Variants in WDPCP observed in about 807,000 individuals in gnomAD.
The protein encoded by WDPCP is WD repeat-containing and planar cell polarity effector protein fritz homolog.
Under a neutral mutation model 93.1 loss-of-function variants are expected in WDPCP, and 71 were observed. The ratio of observed to expected loss-of-function variants is 0.76; its 90% CI spans 0.63 to 0.93. The LOEUF (loss-of-function observed/expected upper bound fraction) is 0.93. Among genes scored for constraint, WDPCP ranks in the 40% least tolerant of loss-of-function variants. WDPCP has a pLI of 0.00. For synonymous variants in WDPCP, 315 were observed against 315.0 expected, an observed-to-expected ratio of 1.00 and a Z score of 0.00; for missense variants, 844 against 887.4, an observed-to-expected ratio of 0.95 and a Z score of 0.62.
At chr2:63,748,761 A>T (rs1669835547) in intron 2 of WDPCP, among the ~76,000 whole-genome samples, 1 of 152,188 alleles carries the variant, frequency 6.6e-6, no homozygotes, top group Non-Finnish European at 1.5e-5. Context: ...TGTATCACTC[A>T]TGGTGCTTTT....
chr2:63,164,481 A>T (rs1210987374), intron 15 of WDPCP, among the ~76,000 whole-genome samples: 2 of 151,948 alleles, frequency 1.3e-5, no homozygotes, highest in East Asian at 3.9e-4. Context: ...CTCCCCCCAA[A>T]CCCCTCTATT....
chr2:63,494,290 C>T (rs1459749310), intron 1 of WDPCP, among the ~76,000 whole-genome samples: 2 of 151,104 alleles, frequency 1.3e-5, no homozygotes, highest in Non-Finnish European at 1.5e-5. Context: ...ATGATGATGA[C>T]GACGACGACG....
At chr2:63,346,620 C>T (rs1008946047) in intron 12 of WDPCP, among the ~76,000 whole-genome samples, 6 of 152,138 alleles carry the variant, frequency 3.9e-5, no homozygotes, top group Non-Finnish European at 8.8e-5. Context: ...TTTTCCTAGC[C>T]TCAAGTCATC....
chr2:63,230,750 T>G (rs1678792507), intron 14 of WDPCP, among the ~76,000 whole-genome samples: 1 of 152,180 alleles, frequency 6.6e-6, no homozygotes, highest in Non-Finnish European at 1.5e-5. Flanking sequence ...GAGAAGTGTA[T>G]GTTCATATCC....
At chr2:63,403,282 G>C (rs1459825407) in intron 10 of WDPCP, among the ~76,000 whole-genome samples, 1 of 151,938 alleles carries the variant, frequency 6.6e-6, no homozygotes, top group Non-Finnish European at 1.5e-5. Context: ...GAGGGAGGAG[G>C]ATATGAGGAG....
intron 2 of WDPCP, among the ~76,000 whole-genome samples, chr2:63,804,941 T>A (rs984095224): frequency 6.6e-6 from 1 of 151,752 alleles, no homozygotes; most frequent in East Asian, 2.0e-4. Context: ...GGCAGGATAA[T>A]CGCTTGAAAC....
intron 3 of WDPCP, among the ~76,000 whole-genome samples, chr2:63,614,925 A>AT (rs1289640913): frequency 5.9e-5 from 9 of 152,130 alleles, no homozygotes; most frequent in Non-Finnish European, 1.2e-4. Flanking sequence ...AAAACAGACA[A>AT]TTTTCCCTAG....
intron 2 of WDPCP, among the ~76,000 whole-genome samples, chr2:63,693,646 G>T (rs909579528): frequency 6.6e-6 from 1 of 152,144 alleles, no homozygotes; most frequent in Non-Finnish European, 1.5e-5. Context: ...CCCAAGGCGG[G>T]TTGTGGAAAA....
At chr2:63,751,383 A>G (rs917405104) in intron 2 of WDPCP, among the ~76,000 whole-genome samples, 5 of 152,128 alleles carry the variant, frequency 3.3e-5, no homozygotes, top group African/African-American at 9.7e-5. Flanking sequence ...TGATCAGACT[A>G]TATTACATTT....
intron 14 of WDPCP, among the ~76,000 whole-genome samples, chr2:63,234,231 T>C (rs1679179789): frequency 6.6e-6 from 1 of 152,178 alleles, no homozygotes; most frequent in African/African-American, 2.4e-5. Flanking sequence ...CTGAGTTTCA[T>C]CGAAAAGAAT....
chr2:63,327,478 T>G (rs79827885), intron 12 of WDPCP, among the ~76,000 whole-genome samples: 1 of 152,188 alleles, frequency 6.6e-6, no homozygotes, highest in Non-Finnish European at 1.5e-5. Flanking sequence ...TAACTAAATC[T>G]ATCCTTACTC....
chr2:63,588,196 C>A lies in WDPCP; in HGVS notation c.75+1G>T, dbSNP rs1486299333. 1 of 1,565,906 alleles carries A rather than the reference C, an allele frequency of 6.4e-7. No individual in the cohort carries two copies. The highest frequency in any genetic ancestry group is 8.7e-7 in the Non-Finnish European group (1 of 1,153,188). Reference sequence around the variant, plus strand: ...CCCCTTGCCCTCGGGCCAGGGCTCACCTGTCTCGGGAGTGGGGAAGAAGCG... The same window carrying A: ...CCCCTTGCCCTCGGGCCAGGGCTCAACTGTCTCGGGAGTGGGGAAGAAGCG... On this transcript the variant is annotated splice_donor_variant, in intron 1 of 17. Transcript: ENST00000272321. LOFTEE classifies it high-confidence loss of function.
chr2:63,738,082 G>T (rs1669663786), intron 2 of WDPCP, among the ~76,000 whole-genome samples: 1 of 152,100 alleles, frequency 6.6e-6, no homozygotes, highest in Admixed American at 6.5e-5. Flanking sequence ...TCCTAATGTA[G>T]CTGGTCTGGA....
chr2:63,406,540 A>G (rs1694602623), intron 9 of WDPCP, among the ~76,000 whole-genome samples: 1 of 152,170 alleles, frequency 6.6e-6, no homozygotes, highest in African/African-American at 2.4e-5. Flanking sequence ...CCCCTATAAC[A>G]AAAGACAGAT....
chr2:63,743,932 T>G (rs1314468926), intron 2 of WDPCP, among the ~76,000 whole-genome samples: 1 of 152,144 alleles, frequency 6.6e-6, no homozygotes, highest in Non-Finnish European at 1.5e-5. Flanking sequence ...AAAGCAGTAC[T>G]AATTAAAGTG....
At chr2:63,564,118 C>G (rs1331882948) in intron 1 of WDPCP, 1 of 152,152 alleles carries the variant, frequency 6.6e-6, no homozygotes, top group Non-Finnish European at 1.5e-5. Context: ...GGTGGCTTCT[C>G]TGTACATAAA....
chr2:63,580,531 G>C (rs1708425566), intron 1 of WDPCP, among the ~76,000 whole-genome samples: 1 of 152,042 alleles, frequency 6.6e-6, no homozygotes, highest in African/African-American at 2.4e-5. Context: ...AAAAATGCAA[G>C]CCTGAATTTA....
intron 12 of WDPCP, among the ~76,000 whole-genome samples, chr2:63,326,283 G>T (rs1687530660): frequency 6.6e-6 from 1 of 152,142 alleles, no homozygotes; most frequent in Admixed American, 6.5e-5. Context: ...CCAGACTTAT[G>T]CCGCCCGAGA....
chr2:63,651,860 A>G (rs2106634700), intron 2 of WDPCP, among the ~76,000 whole-genome samples: 1 of 152,344 alleles, frequency 6.6e-6, no homozygotes, highest in Middle Eastern at 3.4e-3. Flanking sequence ...TCTGAGCTTA[A>G]CCTTGAAGAA....
Sources: allele counts gnomAD v4.1 joint callset (sites outside exome capture counted in the v4.1 genomes callset), GRCh38; gene constraint gnomAD v4.1.1; transcripts MANE v1.5; gene names NCBI Gene and HGNC (gene_info 2026-07-23, HGNC 2026-07-21).